The following HDAC5 variants were observed in gnomAD, a reference collection of about 807,000 sequenced individuals.
HDAC5 encodes histone deacetylase 5.
A neutral mutation model predicts 133.3 loss-of-function variants in HDAC5; 25 were observed. The observed-to-expected ratio is 0.19, with a 90% CI of 0.14 to 0.26. The LOEUF is 0.26. HDAC5 is among the 10% of genes least tolerant of loss of function. The probability of loss-of-function intolerance (pLI) is 1.00; values close to 1 mark genes in which losing one functional copy is unlikely to be tolerated. For synonymous variants in HDAC5, 589 were observed against 610.8 expected (o/e 0.96, Z 0.53); for missense variants, 1,041 against 1,460.5 (o/e 0.71, Z 4.68).
rs961858757 is a variant in HDAC5 at position 44,083,850 on chromosome 17, G to A, written c.2310C>T (p.Pro770=). The A allele has an allele frequency of 6.2e-7, 1 of 1,611,842 alleles. No individual in the cohort carries two copies. Among genetic ancestry groups the A allele is most frequent in the Non-Finnish European group, 8.5e-7 (1 of 1,178,818 alleles). Reference sequence around the variant, plus strand: ...GCACAGCATACATCTTCTGGCTGATGGGGCCTGCATGGAAGAGGAATAGAG... The same window carrying A: ...GCACAGCATACATCTTCTGGCTGATAGGGCCTGCATGGAAGAGGAATAGAG... ...QKLDSKKLLG[P]ISQKMYAVLP... The change falls in exon 17 of 27, where the codon CCC becomes CCT. Residue 770 remains proline, a synonymous_variant. Transcript: ENST00000682912.
intron 3 of HDAC5, among the ~76,000 whole-genome samples, chr17:44,097,305 C>T (rs933475894): frequency 6.6e-6 from 1 of 152,250 alleles, no homozygotes; most frequent in Non-Finnish European, 1.5e-5. Flanking sequence ...TCTTCTCCCC[C>T]AGGCATGGTT....
At position 44,088,531 on chromosome 17, in the gene HDAC5, G is replaced by A. The variant is rs1239492914; in HGVS notation, c.1455C>T (p.Gly485=). ...TCAGGGGCCGATGCCGCGGGAGCTT[G>A]CCTACCGTCCGCATGCTGGTGGCCA... ...ERVATSMRTV[G]KLPRHRPLSR... Residue 485 remains glycine (G), a synonymous_variant, in exon 12 of 27, where the codon GGC becomes GGT. Coordinates refer to ENST00000682912, the MANE Select transcript of HDAC5 (RefSeq NM_005474.5). 1.9e-6 allele frequency: 3 copies of A among 1,613,358 alleles called. No homozygotes were observed. The highest frequency in any genetic ancestry group is 2.5e-6 in the Non-Finnish European group (3 of 1,179,976).
chr17:44,096,432 G>C (rs535652418), intron 3 of HDAC5, among the ~76,000 whole-genome samples: 9 of 149,022 alleles, frequency 6.0e-5, no homozygotes, highest in Non-Finnish European at 1.2e-4. Context: ...TAAGAGGCGA[G>C]AGAGGGAAAA....
chr17:44,088,705 A>G (rs1354190164), intron 11 of HDAC5, 107 bp from the exon 12 acceptor site: 2 of 1,455,778 alleles, frequency 1.4e-6, no homozygotes, highest in East Asian at 2.5e-5. Context: ...ATCACCACCT[A>G]TATACTCAGG....
At chr17:44,114,317 C>T (rs1309473535) in intron 2 of HDAC5, among the ~76,000 whole-genome samples, 1 of 152,224 alleles carries the variant, frequency 6.6e-6, no homozygotes, top group Non-Finnish European at 1.5e-5. Flanking sequence ...TTTCTCACTG[C>T]CTGCCTTCCC....
At chr17:44,092,640 C>A in intron 7 of HDAC5, 36 bp downstream of exon 7, 1 of 1,530,228 alleles carries the variant, frequency 6.5e-7, no homozygotes, top group Non-Finnish European at 8.8e-7. Context: ...CTCCCAGGAG[C>A]CATATTCTGG....
rs1429965247 is a variant in HDAC5, at chr17:44,091,279, G to C, written c.1378C>G (p.Leu460Val). Reference protein sequence around the residue: ...LLEQARQQSTLIAVPLHGQSP... With the variant: ...LLEQARQQSTVIAVPLHGQSP... ...CTACCTGTCCACTCACCAGCAATGA[G>C]GGTGCTCTGCTGCCGGGCCTGCTCC... is the stretch of plus-strand genomic sequence containing the variant. The change falls in exon 11 of 27, where the codon CTC (leucine) becomes GTC (valine). Residue 460 changes from leucine (L) to valine (V), a missense_variant. Leu to Val is a conservative substitution (Grantham distance 32, BLOSUM62 1). This residue lies in a region of HDAC5 where 433 missense variants were observed against 531.6 expected (regional missense o/e 0.81). Transcript: ENST00000682912. 3.7e-6 allele frequency: 6 copies of C among 1,610,438 alleles called. No individual in the cohort carries two copies. In the South Asian group the frequency reaches 4.4e-5, roughly 12 times the overall value.
intron 21 of HDAC5, 91 bp downstream of exon 21, chr17:44,080,672 C>A: frequency 6.4e-7 from 1 of 1,572,680 alleles, no homozygotes. Flanking sequence ...GTACCAACAC[C>A]ACCATGGGCC....
rs897736763 is a variant in HDAC5 at position 44,080,412 on chromosome 17, A to G, written c.2814T>C (p.Leu938=). 3.7e-6 allele frequency: 6 copies of G among 1,613,840 alleles called. No individual in the cohort carries two copies. Among genetic ancestry groups the G allele is most frequent in the Non-Finnish European group, 5.1e-6 (6 of 1,179,794 alleles). The change falls in exon 22 of 27, where the codon CTT becomes CTC. Residue 938 remains leucine, a synonymous_variant. Transcript: ENST00000682912. The part of the protein sequence containing the change: ...VDPPIGDVEY[L]TAFRTVVMPI... ...TTTTCAGTCCCTACCTGAAGGCTGT[A>G]AGGTACTCCACGTCTCCAATGGGGG...
Position 44,077,049 on chromosome 17 carries a change from T to C in HDAC5, c.*1327A>G, listed in dbSNP as rs1054743795. 6 of 152,922 alleles carry C rather than the reference T, an allele frequency of 3.9e-5. No individual in the cohort carries two copies. The highest frequency in any genetic ancestry group is 1.4e-4 in the African/African-American group (6 of 41,412). 9.5% of individuals were successfully genotyped at this position (152,922 alleles called of 1,614,324 possible). On this transcript the variant is annotated 3_prime_UTR_variant, in exon 27 of 27. Transcript: ENST00000682912. ...GCCCCTCCCCTGGCTCCCTCAATCC[T>C]GCTCAGGCCCCCATAGGATAATAAA...
chr17:44,111,606 G>T (rs373998629), intron 2 of HDAC5: 175 of 518,022 alleles, frequency 3.4e-4, no homozygotes, highest in African/African-American at 3.2e-3. Flanking sequence ...GGAATTGGAA[G>T]GGTCTAGGAG....
At chr17:44,091,948 G>A in intron 9 of HDAC5, 117 bp from the exon 10 acceptor site, 1 of 1,258,604 alleles carries the variant, frequency 7.9e-7, no homozygotes, top group African/African-American at 1.5e-5. Context: ...TCTACCCTGA[G>A]CTCCCACTGA....
Position 44,110,712 on chromosome 17 carries a change from G to A in HDAC5, c.94+17C>T, listed in dbSNP as rs376467301. 7.5e-6 allele frequency: 12 copies of A among 1,607,286 alleles called. No homozygotes were observed. In the African/African-American group the frequency reaches 1.5e-4, roughly 20 times the overall value. ...TGCCAGATGACAGAGGGCAGGCAGG[G>A]ACATCAAGGCACTTACCTGTCACAG... On this transcript the variant is annotated intron_variant, in intron 3 of 26. Coordinates refer to ENST00000682912, the MANE Select transcript of HDAC5 (RefSeq NM_005474.5).
chr17:44,119,699 A>G (rs1289684990), intron 1 of HDAC5, among the ~76,000 whole-genome samples: 2 of 152,252 alleles, frequency 1.3e-5, no homozygotes, highest in Non-Finnish European at 2.9e-5. Flanking sequence ...CCTCCCTGAG[A>G]AACAAAGCAG....
intron 3 of HDAC5, among the ~76,000 whole-genome samples, chr17:44,110,307 G>A (rs1478285791): frequency 6.6e-6 from 1 of 152,214 alleles, no homozygotes; most frequent in Admixed American, 6.5e-5. Flanking sequence ...CAGAGGAGCT[G>A]GAGTAACCTT....
chr17:44,089,574 TTCTC>T (rs1476893899), intron 11 of HDAC5, among the ~76,000 whole-genome samples: 2 of 150,066 alleles, frequency 1.3e-5, no homozygotes, highest in African/African-American at 4.9e-5. Flanking sequence ...GTGAAACTTC[TTCTC>T]TAATAAAAAT....
chr17:44,086,701 C>T lies in HDAC5; in HGVS notation c.1921G>A (p.Val641Met). ...SDAQPLQPLQ[V>M]YQAPLSLATV... is the part of the protein sequence containing the mutation. ...GCCAGGCTGAGGGGCGCCTGGTACA[C>T]CTGCAAAGGCTGCAGCGGCTGGGCA... Residue 641 changes from valine to methionine, a missense_variant, in exon 14 of 27, where the codon GTG becomes ATG. By Grantham distance (21) the Val-to-Met change is conservative. Coordinates refer to ENST00000682912, the MANE Select transcript of HDAC5 (RefSeq NM_005474.5). 4.6e-6 allele frequency: 6 copies of T among 1,300,288 alleles called. No homozygotes were observed. Among genetic ancestry groups the T allele is most frequent in the Non-Finnish European group, 5.9e-6 (6 of 1,017,114 alleles). 80.5% of individuals were successfully genotyped at this position (1,300,288 alleles called of 1,614,324 possible).
rs377430985 is a variant in HDAC5 at position 44,082,596 on chromosome 17, T to C, written c.2596A>G (p.Ile866Val). 3.4e-5 allele frequency: 55 copies of C among 1,613,414 alleles called. No homozygotes were observed. The highest frequency in any genetic ancestry group is 4.4e-5 in the Non-Finnish European group (52 of 1,179,496). ...QQKLNVGKVL[I>V]VDWDIHHGNG... ...AGCTCACTGCCTACCCAGTCCACGA[T>C]GAGGACCTTGCCCACGTTCAACTTC... The change falls in exon 20 of 27, where the codon ATC becomes GTC. Residue 866 changes from isoleucine to valine, a missense_variant. By Grantham distance (29) the Ile-to-Val change is conservative (BLOSUM62 3). This residue lies in a region of HDAC5 where 174 missense variants were observed against 352.7 expected (regional missense o/e 0.49). Coordinates refer to ENST00000682912, the MANE Select transcript of HDAC5 (RefSeq NM_005474.5).
intron 15 of HDAC5, 28 bp downstream of exon 15, chr17:44,084,994 G>C (rs915152397): frequency 6.4e-7 from 1 of 1,567,378 alleles, no homozygotes; most frequent in African/African-American, 1.4e-5. Context: ...TTTAAGTTGA[G>C]AGCCAGAAGA....
Sources: allele counts gnomAD v4.1 joint callset (sites outside exome capture counted in the v4.1 genomes callset), GRCh38; gene constraint gnomAD v4.1.1; regional missense constraint gnomAD v4.1.1; transcripts MANE v1.5; gene names NCBI Gene and HGNC (gene_info 2026-07-23, HGNC 2026-07-21).